Variants in ARHGAP10 observed in about 807,000 individuals in gnomAD.
The protein encoded by ARHGAP10 is Rho GTPase activating protein 10.
ARHGAP10 carries 87 observed loss-of-function variants against 108.6 expected under a neutral mutation model. The observed-to-expected ratio is 0.80, with a 90% CI of 0.67 to 0.96. The LOEUF (loss-of-function observed/expected upper bound fraction) is 0.96. ARHGAP10 is among the 40% of genes least tolerant of loss of function. The probability of loss-of-function intolerance (pLI) is 0.00; values close to 1 mark genes in which losing one functional copy is unlikely to be tolerated. For synonymous variants in ARHGAP10, 347 were observed against 341.1 expected, an observed-to-expected ratio of 1.02 and a Z score of -0.19; for missense variants, 939 against 954.5, an observed-to-expected ratio of 0.98 and a Z score of 0.21.
intron 20 of ARHGAP10, among the ~76,000 whole-genome samples, 194 bp downstream of exon 20, chr4:148,047,245 A>G (rs1355168133): frequency 2.0e-5 from 3 of 152,160 alleles, no homozygotes; most frequent in African/African-American, 7.2e-5. Flanking sequence ...CTGTGTTTCT[A>G]GTATGGAAGG....
intron 18 of ARHGAP10, among the ~76,000 whole-genome samples, chr4:147,969,973 G>T (rs2149617202): frequency 6.6e-6 from 1 of 152,144 alleles, no homozygotes; most frequent in Admixed American, 6.5e-5. Context: ...GTTGGAAGCA[G>T]GGTTGTGTGG....
chr4:147,914,754 T>G (rs1232383665), intron 13 of ARHGAP10, among the ~76,000 whole-genome samples: 1 of 152,194 alleles, frequency 6.6e-6, no homozygotes, highest in Non-Finnish European at 1.5e-5. Context: ...AATTTGTTTA[T>G]CCATTCACCT....
chr4:147,932,180 G>A (rs1737725076), intron 13 of ARHGAP10, among the ~76,000 whole-genome samples: 1 of 152,160 alleles, frequency 6.6e-6, no homozygotes, highest in Non-Finnish European at 1.5e-5. Context: ...TGGTGAGATT[G>A]TGGAGAAAAA....
chr4:147,889,954 C>T (rs971080972), intron 10 of ARHGAP10, among the ~76,000 whole-genome samples: 3 of 152,230 alleles, frequency 2.0e-5, no homozygotes, highest in Non-Finnish European at 4.4e-5. Flanking sequence ...CAGATCACAG[C>T]TGATATAATC....
intron 1 of ARHGAP10, among the ~76,000 whole-genome samples, chr4:147,821,532 G>A (rs950146535): frequency 6.6e-6 from 1 of 152,134 alleles, no homozygotes; most frequent in African/African-American, 2.4e-5. Context: ...ATTGCAAACA[G>A]CACGATAAAC....
chr4:147,951,357 T>A (rs541392667), intron 15 of ARHGAP10, among the ~76,000 whole-genome samples: 8 of 151,776 alleles, frequency 5.3e-5, no homozygotes, highest in African/African-American at 1.9e-4. Flanking sequence ...AAAGACTTAC[T>A]TCTGATTGGC....
chr4:147,746,847 A>T (rs915184449), intron 1 of ARHGAP10, among the ~76,000 whole-genome samples: 1 of 152,274 alleles, frequency 6.6e-6, no homozygotes, highest in Admixed American at 6.5e-5. Context: ...CTGTCAACTG[A>T]TGGATTTATT....
intron 10 of ARHGAP10, among the ~76,000 whole-genome samples, chr4:147,901,589 G>C (rs929099332): frequency 6.6e-6 from 1 of 152,264 alleles, no homozygotes; most frequent in African/African-American, 2.4e-5. Context: ...AGTTTGAGTC[G>C]TTGTGCTTGG....
intron 1 of ARHGAP10, among the ~76,000 whole-genome samples, chr4:147,776,146 A>G (rs1255873658): frequency 1.3e-5 from 2 of 152,200 alleles, no homozygotes; most frequent in East Asian, 1.9e-4. Flanking sequence ...TGGTGTATTT[A>G]TCTTGTGTAG....
intron 18 of ARHGAP10, among the ~76,000 whole-genome samples, chr4:147,985,521 G>A (rs1740008037): frequency 1.3e-5 from 2 of 152,178 alleles, no homozygotes; most frequent in African/African-American, 2.4e-5. Context: ...GACCTGTGAT[G>A]GGGGAGAGCA....
intron 1 of ARHGAP10, among the ~76,000 whole-genome samples, chr4:147,793,581 C>T (rs1429073605): frequency 6.6e-6 from 1 of 152,138 alleles, no homozygotes; most frequent in Non-Finnish European, 1.5e-5. Context: ...TCAGCCTGGA[C>T]TCAGAGTAGG....
intron 3 of ARHGAP10, among the ~76,000 whole-genome samples, chr4:147,833,919 G>A (rs573446874): frequency 6.6e-6 from 1 of 152,316 alleles, no homozygotes; most frequent in South Asian, 2.1e-4. Context: ...GATAGAGGAA[G>A]GAGGAGTGAC....
chr4:147,961,321 T>G (rs1738984779), intron 16 of ARHGAP10, among the ~76,000 whole-genome samples: 2 of 152,356 alleles, frequency 1.3e-5, no homozygotes, highest in East Asian at 3.9e-4. Context: ...CATAGGTTTT[T>G]TGGTCACTGG....
chr4:147,752,035 G>A (rs1266121758), intron 1 of ARHGAP10, among the ~76,000 whole-genome samples: 3 of 151,830 alleles, frequency 2.0e-5, no homozygotes, highest in African/African-American at 4.8e-5. Context: ...ATAGGCGTGC[G>A]CCACCACACC....
chr4:147,782,874 A>C (rs886408403), intron 1 of ARHGAP10, among the ~76,000 whole-genome samples: 1 of 144,612 alleles, frequency 6.9e-6, no homozygotes, highest in East Asian at 2.0e-4. Context: ...TAAAAACAAC[A>C]TAAAATATAT....
At chr4:147,852,829 G>C (rs556624761) in intron 4 of ARHGAP10, among the ~76,000 whole-genome samples, 14 of 148,856 alleles carry the variant, frequency 9.4e-5, no homozygotes, top group African/African-American at 3.2e-4. Context: ...AGTGATTCTC[G>C]TGCCTCAGCC....
chr4:147,819,673 C>T (rs973704526), intron 1 of ARHGAP10, among the ~76,000 whole-genome samples: 3 of 152,120 alleles, frequency 2.0e-5, no homozygotes, highest in South Asian at 2.1e-4. Context: ...ATTCTCCTGC[C>T]TCAGCCTCCT....
rs111519412 is a variant in ARHGAP10, at chr4:147,909,207, C to T, written c.1117-525C>T. Among the ~76,000 whole-genome samples, 37 of 152,286 alleles carry T rather than the reference C, an allele frequency of 2.4e-4. 2 individuals are homozygous for T. In the South Asian group the frequency reaches 4.1e-3, roughly 17 times the overall value. ...TAAAAGTTACAACTCTGCAAGGGCC[C>T]AGTGGAAGAGATGCATAGGATAAAG... On this transcript the variant is annotated intron_variant, in intron 11 of 22. Coordinates refer to ENST00000336498, the MANE Select transcript of ARHGAP10 (RefSeq NM_024605.4).
At chr4:147,933,270 C>T (rs1737777759) in intron 13 of ARHGAP10, among the ~76,000 whole-genome samples, 1 of 152,042 alleles carries the variant, frequency 6.6e-6, no homozygotes, top group South Asian at 2.1e-4. Context: ...CAGGATGGAG[C>T]CCAGAGACTA....
Sources: allele counts gnomAD v4.1 joint callset (sites outside exome capture counted in the v4.1 genomes callset), GRCh38; gene constraint gnomAD v4.1.1; transcripts MANE v1.5; gene names NCBI Gene and HGNC (gene_info 2026-07-23, HGNC 2026-07-21).